The following PDGFD variants were observed in gnomAD, a reference collection of about 807,000 sequenced individuals.
PDGFD encodes platelet derived growth factor D.
Under a neutral mutation model 44.7 loss-of-function variants are expected in PDGFD, and 30 were observed. The observed-to-expected ratio is 0.67, with a 90% CI of 0.50 to 0.91. PDGFD has a LOEUF of 0.91. Ranked by LOEUF, PDGFD falls within the 40% of genes least tolerant of loss-of-function variation. The pLI is 0.00. For synonymous variants in PDGFD, 173 were observed against 168.4 expected (o/e 1.03, Z -0.21); for missense variants, 445 against 457.8 (o/e 0.97, Z 0.25).
intron 6 of PDGFD, among the ~76,000 whole-genome samples, chr11:103,919,656 G>A (rs1226955269): frequency 6.6e-6 from 1 of 151,698 alleles, no homozygotes; most frequent in African/African-American, 2.4e-5. Context: ...CTACAGGCAC[G>A]TGCCACCACG....
intron 1 of PDGFD, among the ~76,000 whole-genome samples, chr11:104,127,712 T>C (rs1320022397): frequency 1.3e-5 from 2 of 152,022 alleles, no homozygotes; most frequent in Non-Finnish European, 2.9e-5. Context: ...TGTGTGTGTG[T>C]GCATGTGTGT....
At chr11:103,936,913 A>G (rs1334291805) in intron 5 of PDGFD, among the ~76,000 whole-genome samples, 2 of 151,616 alleles carry the variant, frequency 1.3e-5, no homozygotes, top group Non-Finnish European at 1.5e-5. Context: ...GTAGCCTTGA[A>G]CTACCCGGGC....
At chr11:103,923,459 C>A (rs1858256589) in intron 6 of PDGFD, among the ~76,000 whole-genome samples, 3 of 152,192 alleles carry the variant, frequency 2.0e-5, no homozygotes, top group Non-Finnish European at 4.4e-5. Context: ...GAGAATCACA[C>A]AAGCCTGTTA....
At chr11:103,987,862 C>T (rs1178739949) in intron 3 of PDGFD, among the ~76,000 whole-genome samples, 1 of 152,120 alleles carries the variant, frequency 6.6e-6, no homozygotes, top group Non-Finnish European at 1.5e-5. Context: ...CCCAGCAATT[C>T]GCTCCTTTGT....
At chr11:103,919,873 T>G (rs1490325498) in intron 6 of PDGFD, among the ~76,000 whole-genome samples, 3 of 152,220 alleles carry the variant, frequency 2.0e-5, no homozygotes, top group Non-Finnish European at 1.5e-5. Context: ...AAAAAAAGCT[T>G]CTCTTTTGAT....
intron 1 of PDGFD, among the ~76,000 whole-genome samples, chr11:104,050,453 T>A (rs1477022802): frequency 6.6e-6 from 1 of 152,188 alleles, no homozygotes; most frequent in African/African-American, 2.4e-5. Context: ...GAGATTCTAC[T>A]CTAAAACATT....
At chr11:104,151,727 C>G (rs924314835) in intron 1 of PDGFD, among the ~76,000 whole-genome samples, 1 of 152,060 alleles carries the variant, frequency 6.6e-6, no homozygotes. Context: ...GAAAGTAAGA[C>G]TTCTGGTCCT....
chr11:104,103,858 A>G (rs1178887220), intron 1 of PDGFD, among the ~76,000 whole-genome samples: 1 of 152,100 alleles, frequency 6.6e-6, no homozygotes, highest in East Asian at 1.9e-4. Context: ...TTACTATATT[A>G]TCATTATTTT....
At chr11:104,144,534 CAAAA>C (rs1461568229) in intron 1 of PDGFD, among the ~76,000 whole-genome samples, 1,943 of 122,242 alleles carry the variant, frequency 0.016, 15 homozygotes, top group African/African-American at 0.031. Context: ...AAAAACCCAA[CAAAA>C]CAAAACAAAC....
At chr11:103,999,867 G>A (rs1193991364) in intron 2 of PDGFD, among the ~76,000 whole-genome samples, 184 bp downstream of exon 2, 6 of 152,080 alleles carry the variant, frequency 3.9e-5, no homozygotes, top group South Asian at 4.1e-4. Flanking sequence ...CAGGTTATTC[G>A]GCTCTCTGCC....
chr11:104,131,342 C>A (rs1375347982), intron 1 of PDGFD, among the ~76,000 whole-genome samples: 2 of 152,156 alleles, frequency 1.3e-5, no homozygotes, highest in African/African-American at 4.8e-5. Context: ...ATGACAGCTA[C>A]AATACTCCTG....
At chr11:104,111,282 T>A (rs76062077) in intron 1 of PDGFD, among the ~76,000 whole-genome samples, 1 of 147,714 alleles carries the variant, frequency 6.8e-6, no homozygotes, top group South Asian at 2.1e-4. Context: ...TTTTTTTTTT[T>A]AGATTTCACT....
intron 1 of PDGFD, among the ~76,000 whole-genome samples, chr11:104,143,940 C>T (rs1000174878): frequency 5.9e-5 from 9 of 152,106 alleles, no homozygotes; most frequent in African/African-American, 9.7e-5. Flanking sequence ...ATACATATTG[C>T]TTTTAGACAT....
At chr11:104,112,291 G>C (rs1861570219) in intron 1 of PDGFD, among the ~76,000 whole-genome samples, 1 of 151,876 alleles carries the variant, frequency 6.6e-6, no homozygotes, top group South Asian at 2.1e-4. Flanking sequence ...CAGTAATGTT[G>C]AGCTTTTTTT....
intron 1 of PDGFD, among the ~76,000 whole-genome samples, chr11:104,102,308 C>T (rs150819336): frequency 0.012 from 1,752 of 152,212 alleles, 28 homozygotes; most frequent in African/African-American, 0.04. Flanking sequence ...ATTTATGCAG[C>T]CAAAAAACAC....
At chr11:103,949,074 C>T (rs1858706817) in intron 3 of PDGFD, among the ~76,000 whole-genome samples, 1 of 135,118 alleles carries the variant, frequency 7.4e-6, no homozygotes, top group Non-Finnish European at 1.5e-5. Context: ...GTGATCTTGG[C>T]TTACTGCAAC....
At chr11:104,155,568 G>A (rs1862295617) in intron 1 of PDGFD, among the ~76,000 whole-genome samples, 1 of 152,166 alleles carries the variant, frequency 6.6e-6, no homozygotes, top group Non-Finnish European at 1.5e-5. Flanking sequence ...CTGTGGATAT[G>A]AGAACCACAT....
intron 5 of PDGFD, among the ~76,000 whole-genome samples, chr11:103,941,811 G>T (rs1858588512): frequency 6.6e-6 from 1 of 152,092 alleles, no homozygotes; most frequent in Non-Finnish European, 1.5e-5. Context: ...GACAGAGTCA[G>T]CTTTTATTGC....
At chr11:104,139,725 C>T (rs936430208) in intron 1 of PDGFD, among the ~76,000 whole-genome samples, 1 of 152,100 alleles carries the variant, frequency 6.6e-6, no homozygotes, top group African/African-American at 2.4e-5. Flanking sequence ...GTGACAACAC[C>T]TTGGGTTCTT....
Sources: gnomAD v4.1 joint callset for allele counts (sites outside exome capture counted in the v4.1 genomes callset) on GRCh38, gnomAD v4.1.1 for gene constraint, MANE v1.5 for transcripts, NCBI Gene and HGNC (gene_info 2026-07-23, HGNC 2026-07-21) for gene names.